The following RNF180 variants were observed in gnomAD, a reference collection of about 807,000 sequenced individuals.
The protein encoded by RNF180 is E3 ubiquitin-protein ligase RNF180.
A neutral mutation model predicts 59.2 loss-of-function variants in RNF180; 38 were observed. That is an observed-to-expected ratio of 0.64 (90% CI 0.50 to 0.84). The LOEUF is 0.84. Among genes scored for constraint, RNF180 ranks in the 40% least tolerant of loss-of-function variants. The pLI is 0.00. For missense variants in RNF180, 705 were observed against 700.9 expected, an observed-to-expected ratio of 1.01 and a Z score of -0.07; for synonymous variants, 262 against 240.3, an observed-to-expected ratio of 1.09 and a Z score of -0.84.
chr5:64,262,246 T>C (rs1176221424), intron 5 of RNF180, among the ~76,000 whole-genome samples: 3 of 152,148 alleles, frequency 2.0e-5, no homozygotes, highest in South Asian at 2.1e-4. Context: ...TCTTGAATTA[T>C]CCATTCTTTA....
intron 5 of RNF180, among the ~76,000 whole-genome samples, chr5:64,221,718 C>G (rs1741349234): frequency 6.6e-6 from 1 of 152,032 alleles, no homozygotes. Flanking sequence ...TTATATAGAT[C>G]TAATTTTCTA....
intron 3 of RNF180, 118 bp downstream of exon 3, chr5:64,212,278 C>T (rs1405239568): frequency 3.1e-6 from 2 of 638,526 alleles, no homozygotes; most frequent in Non-Finnish European, 5.7e-6. Flanking sequence ...CTGCTCCTCA[C>T]TCCCATTACC....
At chr5:64,284,113 A>G (rs1184557762) in intron 5 of RNF180, among the ~76,000 whole-genome samples, 1 of 152,100 alleles carries the variant, frequency 6.6e-6, no homozygotes, top group Non-Finnish European at 1.5e-5. Flanking sequence ...TTCACTTTTG[A>G]AGCTTTATTT....
At chr5:64,216,196 G>A (rs1243106290) in intron 4 of RNF180, among the ~76,000 whole-genome samples, 1 of 152,104 alleles carries the variant, frequency 6.6e-6, no homozygotes, top group Non-Finnish European at 1.5e-5. Flanking sequence ...ATTTTAAAGT[G>A]TATGGCAGCA....
In RNF180 at chr5:64,275,507, C is replaced by A. The variant is rs115337310; in HGVS notation, c.1228-49679C>A. ...AAGAATGAATGACAGTCCACAAAGT[C>A]ACATATTTAGAAAATATACTTTTTA... On this transcript the variant is annotated intron_variant, in intron 5 of 7. Transcript: ENST00000389100. 2.4e-3 allele frequency among the ~76,000 whole-genome samples: 363 copies of A among 151,312 alleles called. 2 individuals are homozygous for A. Among genetic ancestry groups the A allele is most frequent in the African/African-American group, 8.3e-3 (344 of 41,330 alleles).
intron 5 of RNF180, among the ~76,000 whole-genome samples, chr5:64,236,994 C>A (rs1343644839): frequency 6.6e-6 from 1 of 152,122 alleles, no homozygotes; most frequent in Non-Finnish European, 1.5e-5. Flanking sequence ...CATGGAGAAC[C>A]TCTACACAGG....
At chr5:64,320,367 G>A (rs540493236) in intron 5 of RNF180, among the ~76,000 whole-genome samples, 47 of 152,290 alleles carry the variant, frequency 3.1e-4, no homozygotes, top group Non-Finnish European at 4.0e-4. Context: ...GATTGATGGT[G>A]GGCATGGAAA....
At chr5:64,222,953 AATT>A (rs1229905379) in intron 5 of RNF180, among the ~76,000 whole-genome samples, 9 of 152,228 alleles carry the variant, frequency 5.9e-5, no homozygotes, top group Non-Finnish European at 1.2e-4. Context: ...GAGGAAAAAT[AATT>A]GTCACACTTA....
chr5:64,300,438 A>G (rs1462487302), intron 5 of RNF180, among the ~76,000 whole-genome samples: 1 of 151,776 alleles, frequency 6.6e-6, no homozygotes, highest in Non-Finnish European at 1.5e-5. Context: ...GATGGTTCGA[A>G]TTACAATTTT....
intron 5 of RNF180, among the ~76,000 whole-genome samples, chr5:64,274,338 C>T (rs1306748894): frequency 1.3e-5 from 2 of 151,702 alleles, no homozygotes; most frequent in Middle Eastern, 3.2e-3. Flanking sequence ...AATCTCTTAA[C>T]ACGCTCATTT....
intron 5 of RNF180, among the ~76,000 whole-genome samples, chr5:64,268,857 C>T (rs1174175337): frequency 1.3e-5 from 2 of 152,132 alleles, no homozygotes; most frequent in Non-Finnish European, 2.9e-5. Flanking sequence ...GCCAGCTCTT[C>T]CTTGAACATG....
chr5:64,216,699 G>A (rs1752648500), intron 4 of RNF180, among the ~76,000 whole-genome samples: 1 of 152,144 alleles, frequency 6.6e-6, no homozygotes, highest in Admixed American at 6.5e-5. Context: ...TGATATTAAA[G>A]CAGACATTAC....
chr5:64,169,008 C>T (rs1162209837), intron 1 of RNF180, among the ~76,000 whole-genome samples: 3 of 152,152 alleles, frequency 2.0e-5, no homozygotes, highest in Non-Finnish European at 4.4e-5. Context: ...CATCAGATTA[C>T]TTAAGGTTAC....
intron 5 of RNF180, among the ~76,000 whole-genome samples, chr5:64,241,923 A>G (rs1385979478): frequency 6.6e-6 from 1 of 152,108 alleles, no homozygotes; most frequent in Non-Finnish European, 1.5e-5. Flanking sequence ...GCAGAACCCC[A>G]CAGCCCCATG....
At chr5:64,223,180 C>T (rs890200594) in intron 5 of RNF180, among the ~76,000 whole-genome samples, 3 of 152,070 alleles carry the variant, frequency 2.0e-5, no homozygotes, top group Non-Finnish European at 4.4e-5. Flanking sequence ...TAGAGTCTAC[C>T]CTCATTTCTT....
chr5:64,282,895 A>C, intron 5 of RNF180, among the ~76,000 whole-genome samples: 1 of 152,066 alleles, frequency 6.6e-6, no homozygotes, highest in East Asian at 1.9e-4. Flanking sequence ...CAGTTTCTTC[A>C]ATTTGAGAAT....
intron 5 of RNF180, among the ~76,000 whole-genome samples, chr5:64,316,679 A>G (rs1744054889): frequency 2.0e-5 from 3 of 152,216 alleles, no homozygotes; most frequent in Admixed American, 2.0e-4. Context: ...ATAAAAATAT[A>G]TAAATCAAAC....
chr5:64,263,535 G>A (rs547685351), intron 5 of RNF180, among the ~76,000 whole-genome samples: 2 of 152,238 alleles, frequency 1.3e-5, no homozygotes, highest in African/African-American at 4.8e-5. Flanking sequence ...TTGCTTAGCT[G>A]TTTTGAAGTG....
chr5:64,172,398 G>T (rs73100360), intron 1 of RNF180, among the ~76,000 whole-genome samples: 1 of 152,178 alleles, frequency 6.6e-6, no homozygotes, highest in African/African-American at 2.4e-5. Flanking sequence ...ACAAGGAATG[G>T]GTTTAGGAAC....
Sources: allele counts gnomAD v4.1 joint callset (sites outside exome capture counted in the v4.1 genomes callset), GRCh38; gene constraint gnomAD v4.1.1; transcripts MANE v1.5; gene names NCBI Gene and HGNC (gene_info 2026-07-23, HGNC 2026-07-21).